The following SCN7A variants were observed in gnomAD, a reference collection of about 807,000 sequenced individuals.
The protein encoded by SCN7A is sodium voltage-gated channel alpha subunit 7.
In SCN7A, 138 loss-of-function variants were observed where a neutral mutation model predicts 155.2. The observed-to-expected ratio is 0.89, with a 90% confidence interval of 0.77 to 1.02. SCN7A has a LOEUF of 1.02. Ranked by LOEUF, SCN7A falls within the 50% of genes least tolerant of loss-of-function variation. The probability of loss-of-function intolerance (pLI) is 0.00; values close to 1 mark genes in which losing one functional copy is unlikely to be tolerated. For synonymous variants in SCN7A, 693 were observed against 649.0 expected, an observed-to-expected ratio of 1.07 and a Z score of -1.03; for missense variants, 2,058 against 1,986.6, an observed-to-expected ratio of 1.04 and a Z score of -0.68.
chr2:166,472,973 AACACATGG>A lies in SCN7A; in HGVS notation c.444-536_444-529del, dbSNP rs1284525357. On this transcript the variant is annotated intron_variant, in intron 5 of 25. Coordinates refer to ENST00000643258, the MANE Select transcript of SCN7A (RefSeq NM_002976.4). ...TTAGAAGTGGGAGCTAAATGATGAG[AACACATGG>A]ACACATAGAGGGGAGCAACAGACAC... is the stretch of plus-strand genomic sequence containing the variant. Among the ~76,000 whole-genome samples, 6 of 151,818 alleles carry A rather than the reference AACACATGG, an allele frequency of 4.0e-5. No homozygotes were observed. In the Admixed American group the frequency reaches 4.0e-4, roughly 10 times the overall value.
At chr2:166,414,942 TA>T (rs1701338235) in intron 21 of SCN7A, among the ~76,000 whole-genome samples, 1 of 118,590 alleles carries the variant, frequency 8.4e-6, no homozygotes, top group African/African-American at 3.4e-5. Context: ...TATAGGATAA[TA>T]TATAATATAT....
intron 9 of SCN7A, 116 bp from the exon 10 acceptor site, chr2:166,462,646 G>T: frequency 1.2e-6 from 1 of 859,068 alleles, no homozygotes; most frequent in Non-Finnish European, 1.7e-6. Flanking sequence ...TCCACAGGGA[G>T]AGTAATGTCT....
At chr2:166,480,486 CAAAA>C (rs202118124) in intron 2 of SCN7A, among the ~76,000 whole-genome samples, 1 of 144,720 alleles carries the variant, frequency 6.9e-6, no homozygotes, top group Non-Finnish European at 1.5e-5. Context: ...AACAAAAAAA[CAAAA>C]AAAAAACAGC....
chr2:166,448,955 TTAGA>T (rs1380281139), intron 11 of SCN7A, among the ~76,000 whole-genome samples: 4 of 152,190 alleles, frequency 2.6e-5, no homozygotes, highest in African/African-American at 9.7e-5. Context: ...AAGGGTTGTC[TTAGA>T]TAGACCATGT....
At position 166,406,261 on chromosome 2, in the gene SCN7A, A is replaced by C. The variant is rs1701070334; in HGVS notation, c.4368T>G (p.Ile1456Met). Residue 1456 changes from isoleucine to methionine, a missense_variant, in exon 26 of 26, where the codon ATT becomes ATG. Physicochemically the swap from Ile to Met is conservative, Grantham distance 10. Transcript: ENST00000643258. ...CTCCTCTAACTTGAGTCCCAGGGTT[A>C]ATTTTATCAGGATCACAGTCAGACC... ...SKWSDCDPDKINPGTQVRGDC... is the reference protein window; with the variant it reads ...SKWSDCDPDKMNPGTQVRGDC... 1 of 1,613,118 alleles carries C rather than the reference A, an allele frequency of 6.2e-7. No homozygotes were observed. The highest frequency in any genetic ancestry group is 1.3e-5 in the African/African-American group (1 of 74,828).
chr2:166,427,531 T>C (rs1437510244), intron 18 of SCN7A, among the ~76,000 whole-genome samples: 1 of 152,138 alleles, frequency 6.6e-6, no homozygotes, highest in East Asian at 1.9e-4. Flanking sequence ...CCACTGTCAC[T>C]CATATATTTT....
In SCN7A at chr2:166,432,430, A is replaced by G; in HGVS notation, c.2480T>C (p.Ile827Thr). 4 of 1,613,584 alleles carry G rather than the reference A, an allele frequency of 2.5e-6. No individual in the cohort carries two copies. The Admixed American group carries it at 5.0e-5, about 20-fold the overall frequency. The change falls in exon 16 of 26, where the codon ATC becomes ACC. Residue 827 changes from isoleucine (I) to threonine (T), a missense_variant. By Grantham distance (89) the Ile-to-Thr change is moderately conservative (BLOSUM62 -1). Coordinates refer to ENST00000643258, the MANE Select transcript of SCN7A (RefSeq NM_002976.4). ...NATENESQSL[I>T]PSPSVSETVP... Reference sequence around the variant, plus strand: ...AGTTTCTGAGACACTAGGACTGGGGATAAGTGATTGGCTCTCATTTTCAGT... The same window carrying G: ...AGTTTCTGAGACACTAGGACTGGGGGTAAGTGATTGGCTCTCATTTTCAGT...
Position 166,428,922 on chromosome 2 carries a change from T to C in SCN7A, c.2698+247A>G, listed in dbSNP as rs146958311. ...ACATGCACACATATACCTATATATG[T>C]TGAAGTCAAATGAAGTGTTCTTAGA... On this transcript the variant is annotated intron_variant, in intron 17 of 25. Transcript: ENST00000643258. Among the ~76,000 whole-genome samples the C allele has an allele frequency of 1.7e-3, 254 of 152,146 alleles. 1 individual carries two copies. The highest frequency in any genetic ancestry group is 2.6e-3 in the Non-Finnish European group (176 of 67,948).
intron 15 of SCN7A, among the ~76,000 whole-genome samples, chr2:166,437,376 G>A (rs116397687): frequency 0.013 from 1,951 of 152,306 alleles, 47 homozygotes; most frequent in African/African-American, 0.045. Context: ...AGATTACAGA[G>A]GATGTATGGA....
Position 166,413,354 on chromosome 2 carries a change from GATAA to G in SCN7A, c.3415-237_3415-234del, listed in dbSNP as rs545355621. On this transcript the variant is annotated intron_variant, in intron 21 of 25. Transcript: ENST00000643258. ...TTTGAAGATAGCATGACTAGAAAAA[GATAA>G]ATAGAGAAACAGATATATAAATGGT... Among the ~76,000 whole-genome samples, 721 of 152,116 alleles carry G rather than the reference GATAA, an allele frequency of 4.7e-3. 2 individuals carry two copies. The highest frequency in any genetic ancestry group is 0.017 in the Middle Eastern group (5 of 294).
intron 16 of SCN7A, among the ~76,000 whole-genome samples, chr2:166,431,974 C>A (rs1229261866): frequency 6.6e-6 from 1 of 151,940 alleles, no homozygotes; most frequent in Non-Finnish European, 1.5e-5. Flanking sequence ...CTTTTCAGCA[C>A]CCTCAAACTG....
At chr2:166,437,226 C>T (rs1320998597) in intron 15 of SCN7A, among the ~76,000 whole-genome samples, 2 of 152,206 alleles carry the variant, frequency 1.3e-5, no homozygotes, top group African/African-American at 4.8e-5. Flanking sequence ...CCAGCTGTCC[C>T]AGCTGTGGCC....
intron 20 of SCN7A, among the ~76,000 whole-genome samples, chr2:166,420,882 T>C (rs1025100347): frequency 5.9e-5 from 9 of 152,002 alleles, no homozygotes; most frequent in African/African-American, 2.2e-4. Flanking sequence ...ATTTTTAAAA[T>C]GGAGACAATT....
chr2:166,437,770 A>G (rs1256884353), intron 15 of SCN7A, among the ~76,000 whole-genome samples: 1 of 152,090 alleles, frequency 6.6e-6, no homozygotes, highest in African/African-American at 2.4e-5. Flanking sequence ...AGGTTTAGTG[A>G]CTGCCCTATT....
chr2:166,469,007 T>A (rs1702596732), intron 7 of SCN7A, among the ~76,000 whole-genome samples: 1 of 151,228 alleles, frequency 6.6e-6, no homozygotes, highest in Non-Finnish European at 1.5e-5. Context: ...ATTGTAGTTA[T>A]TATTTATCTA....
At chr2:166,417,279 C>A (rs1701400204) in intron 20 of SCN7A, among the ~76,000 whole-genome samples, 1 of 152,118 alleles carries the variant, frequency 6.6e-6, no homozygotes, top group South Asian at 2.1e-4. Flanking sequence ...CAAGACCATC[C>A]TGGCTAACAT....
chr2:166,418,098 TCTCTTAG>T (rs148233766), intron 20 of SCN7A, among the ~76,000 whole-genome samples: 17,853 of 151,052 alleles, frequency 0.12, 1,223 homozygotes, highest in Middle Eastern at 0.16. Flanking sequence ...TACTTATTTT[TCTCTTAG>T]CTTTTTTATT....
intron 15 of SCN7A, among the ~76,000 whole-genome samples, chr2:166,439,729 A>T (rs1385815072): frequency 6.6e-6 from 1 of 152,214 alleles, no homozygotes; most frequent in East Asian, 1.9e-4. Context: ...TATTTTTTAC[A>T]TGTTGGGCAC....
intron 18 of SCN7A, among the ~76,000 whole-genome samples, chr2:166,425,384 G>T (rs577803893): frequency 6.6e-6 from 1 of 152,216 alleles, no homozygotes; most frequent in Admixed American, 6.5e-5. Flanking sequence ...AGCAGGAAAT[G>T]GAGGAGCTTT....
Sources: gnomAD v4.1 joint callset for allele counts (sites outside exome capture counted in the v4.1 genomes callset) on GRCh38, gnomAD v4.1.1 for gene constraint, MANE v1.5 for transcripts, NCBI Gene and HGNC (gene_info 2026-07-23, HGNC 2026-07-21) for gene names.